The following PROKR1 variants were observed in gnomAD, a reference collection of about 807,000 sequenced individuals.
PROKR1 encodes prokineticin receptor 1.
A neutral mutation model predicts 22.8 loss-of-function variants in PROKR1; 21 were observed. The ratio of observed to expected loss-of-function variants is 0.92; its 90% CI spans 0.65 to 1.32. The LOEUF is 1.32. PROKR1 is among the 40% of genes most tolerant of loss of function. PROKR1 has a pLI of 0.00. For synonymous variants in PROKR1, 193 were observed against 207.5 expected (o/e 0.93, Z 0.60); for missense variants, 548 against 514.2 (o/e 1.07, Z -0.64).
At position 68,645,987 on chromosome 2, in the gene PROKR1, A is replaced by G. The variant is rs762785780; in HGVS notation, c.166A>G (p.Arg56Gly). Residue 56 changes from arginine to glycine, a missense_variant, in exon 2 of 3, where the codon AGG becomes GGG. By Grantham distance (125) the Arg-to-Gly change is moderately radical. Transcript: ENST00000303786. ...LDEDEDVTNS[R>G]TFFAAKIVIG... ...TGAAGATGAGGATGTGACCAATTCCAGGACGTTCTTTGCTGCCAAGATTGT... is the reference window on the plus strand; with the variant it reads ...TGAAGATGAGGATGTGACCAATTCCGGGACGTTCTTTGCTGCCAAGATTGT... 1.2e-5 allele frequency: 20 copies of G among 1,614,130 alleles called. No individual in the cohort carries two copies. The highest frequency in any genetic ancestry group is 1.5e-5 in the Non-Finnish European group (18 of 1,180,058).
At chr2:68,649,935 C>G (rs1673277239) in intron 2 of PROKR1, among the ~76,000 whole-genome samples, 2 of 152,064 alleles carry the variant, frequency 1.3e-5, no homozygotes, top group Non-Finnish European at 2.9e-5. Flanking sequence ...AATCTTCTGT[C>G]TTGTACGTGT....
chr2:68,653,182 A>G (rs562969454), intron 2 of PROKR1, among the ~76,000 whole-genome samples: 17 of 152,354 alleles, frequency 1.1e-4, no homozygotes, highest in African/African-American at 3.1e-4. Context: ...GTGCATTGAC[A>G]ATGGCATTGC....
At chr2:68,646,393 T>G in intron 2 of PROKR1, 87 bp downstream of exon 2, 1 of 1,550,058 alleles carries the variant, frequency 6.5e-7, no homozygotes, top group Non-Finnish European at 8.8e-7. Flanking sequence ...AGTTGCAGAT[T>G]GATGAGAGGT....
rs1673417721 is a variant in PROKR1, at chr2:68,655,159, C to G, written c.765C>G (p.Ile255Met). ...CCATGACCCTGTGCTATGCCAGGAT[C>G]TCCCGGGAGCTCTGGTTCAAGGCGG... is the stretch of plus-strand genomic sequence containing the variant. ...VVTMTLCYAR[I>M]SRELWFKAVP... is the part of the protein sequence containing the mutation. The change falls in exon 3 of 3, where the codon ATC becomes ATG. Residue 255 changes from isoleucine to methionine, a missense_variant. By Grantham distance (10) the Ile-to-Met change is conservative (BLOSUM62 1). Coordinates refer to ENST00000303786, the MANE Select transcript of PROKR1 (RefSeq NM_138964.4). The G allele has an allele frequency of 6.2e-7, 1 of 1,614,248 alleles. No homozygotes were observed. Among genetic ancestry groups the G allele is most frequent in the South Asian group, 1.1e-5 (1 of 91,092 alleles).
At chr2:68,654,599 G>A (rs1018630634) in intron 2 of PROKR1, among the ~76,000 whole-genome samples, 1 of 152,056 alleles carries the variant, frequency 6.6e-6, no homozygotes, top group Non-Finnish European at 1.5e-5. Flanking sequence ...TTTGAGACTA[G>A]CCTGGGCAGC....
intron 2 of PROKR1, among the ~76,000 whole-genome samples, chr2:68,653,423 A>G (rs1360826352): frequency 1.7e-5 from 2 of 119,470 alleles, no homozygotes; most frequent in Admixed American, 1.5e-4. Flanking sequence ...AAATACAGTC[A>G]GGAAAAAAAA....
chr2:68,650,044 T>C (rs1050747059), intron 2 of PROKR1, among the ~76,000 whole-genome samples: 3 of 124,136 alleles, frequency 2.4e-5, no homozygotes, highest in African/African-American at 6.3e-5. Context: ...GGAAGGGGAA[T>C]ATCACACTCT....
At position 68,655,229 on chromosome 2, in the gene PROKR1, C is replaced by G. The variant is rs200160500; in HGVS notation, c.835C>G (p.Arg279Gly). ...TEQIRKRLRC[R>G]RKTVLVLMCI... ...GCAGATCCGCAAGAGGCTGCGCTGC[C>G]GCAGGAAGACGGTCCTGGTGCTCAT... The change falls in exon 3 of 3, where the codon CGC becomes GGC. Residue 279 changes from arginine to glycine, a missense_variant. By Grantham distance (125) the Arg-to-Gly change is moderately radical. Coordinates refer to ENST00000303786, the MANE Select transcript of PROKR1 (RefSeq NM_138964.4). 1 of 1,614,240 alleles carries G rather than the reference C, an allele frequency of 6.2e-7. No homozygotes were observed. Among genetic ancestry groups the G allele is most frequent in the Admixed American group, 1.7e-5 (1 of 60,032 alleles).
chr2:68,646,427 T>A (rs2104180569), intron 2 of PROKR1, 121 bp downstream of exon 2: 1 of 1,411,044 alleles, frequency 7.1e-7, no homozygotes, highest in South Asian at 1.2e-5. Flanking sequence ...CTAGATGTGG[T>A]TGCATGGGGG....
In PROKR1 at chr2:68,655,633, T is replaced by G; in HGVS notation, c.*57T>G. 6.6e-7 allele frequency: 1 copy of G among 1,522,758 alleles called. No homozygotes were observed. Among genetic ancestry groups the G allele is most frequent in the Non-Finnish European group, 9.0e-7 (1 of 1,107,928 alleles). 94.3% of individuals were successfully genotyped at this position (1,522,758 alleles called of 1,614,324 possible). A position where few individuals can be genotyped will look rare whatever the true frequency, so the allele number is the denominator to read the frequency against. On this transcript the variant is annotated 3_prime_UTR_variant, in exon 3 of 3. Transcript: ENST00000303786. ...GCAGGGTCCTGTGGACACTGACTAG[T>G]GTGCTTGGATGCACATCAACCTGGA...
intron 2 of PROKR1, among the ~76,000 whole-genome samples, chr2:68,653,421 T>C (rs1188569983): frequency 8.4e-6 from 1 of 119,654 alleles, no homozygotes; most frequent in South Asian, 2.7e-4. Flanking sequence ...AGAAATACAG[T>C]CAGGAAAAAA....
rs897665580 is a variant in PROKR1, at chr2:68,649,139, TA to T, written c.485+2841del. Among the ~76,000 whole-genome samples the T allele has an allele frequency of 3.3e-5, 5 of 151,990 alleles. No homozygotes were observed. The South Asian group carries it at 6.2e-4, about 19-fold the overall frequency. ...AAATTATTGTTTTTATGATGTGATT[TA>T]AAAAAAATACAAGATTTTTACAAAA... is the stretch of plus-strand genomic sequence containing the variant. On this transcript the variant is annotated intron_variant, in intron 2 of 2. Coordinates refer to ENST00000303786, the MANE Select transcript of PROKR1 (RefSeq NM_138964.4).
intron 2 of PROKR1, 148 bp downstream of exon 2, chr2:68,646,454 A>G (rs1331564933): frequency 1.7e-6 from 2 of 1,203,614 alleles, no homozygotes; most frequent in Non-Finnish European, 2.3e-6. Flanking sequence ...AAGCTTGCCC[A>G]TTGACTGACA....
intron 2 of PROKR1, among the ~76,000 whole-genome samples, chr2:68,651,116 C>T (rs540301221): frequency 6.6e-6 from 1 of 152,244 alleles, no homozygotes; most frequent in South Asian, 2.1e-4. Flanking sequence ...AATCCTTGCA[C>T]TTTGGGAGCC....
At chr2:68,644,070 G>T (rs1357830944) in intron 1 of PROKR1, among the ~76,000 whole-genome samples, 1 of 152,240 alleles carries the variant, frequency 6.6e-6, no homozygotes, top group Non-Finnish European at 1.5e-5. Context: ...GCCAGCAGGG[G>T]TTTGTGAGAG....
chr2:68,646,018 G>A lies in PROKR1; in HGVS notation c.197G>A (p.Gly66Glu), dbSNP rs755325729. Residue 66 changes from glycine to glutamate, a missense_variant, in exon 2 of 3, where the codon GGG becomes GAG. By Grantham distance (98) the Gly-to-Glu change is moderately conservative (BLOSUM62 -2). Coordinates refer to ENST00000303786, the MANE Select transcript of PROKR1 (RefSeq NM_138964.4). ...TTCTTTGCTGCCAAGATTGTCATTG[G>A]GATGGCCCTGGTGGGCATCATGCTG... ...RTFFAAKIVI[G>E]MALVGIMLVC... 3 of 1,614,222 alleles carry A rather than the reference G, an allele frequency of 1.9e-6. No homozygotes were observed.
intron 2 of PROKR1, among the ~76,000 whole-genome samples, chr2:68,650,294 A>T (rs1255029125): frequency 6.6e-6 from 1 of 152,146 alleles, no homozygotes; most frequent in Non-Finnish European, 1.5e-5. Flanking sequence ...AACTTTTATT[A>T]TCTAGCCCCA....
chr2:68,650,803 C>T (rs1371435063), intron 2 of PROKR1, among the ~76,000 whole-genome samples: 1 of 152,060 alleles, frequency 6.6e-6, no homozygotes, highest in Non-Finnish European at 1.5e-5. Context: ...CCGGAGTAGT[C>T]AGAGGAGGCT....
chr2:68,657,514 C>T lies in PROKR1; in HGVS notation c.*1938C>T, dbSNP rs905542127. On this transcript the variant is annotated 3_prime_UTR_variant, in exon 3 of 3. Transcript: ENST00000303786. ...TTTAGGGGTTTGGATACTCCAGAAT[C>T]GGAGTATCTTTGTGATACTAGAAGT... 2.0e-5 allele frequency: 3 copies of T among 152,168 alleles called. No individual in the cohort carries two copies. The highest frequency in any genetic ancestry group is 2.1e-4 in the South Asian group (1 of 4,832). The allele number at this position is 152,168 out of a possible 1,614,324, so 9.4% of individuals were successfully genotyped here.
Sources: allele counts gnomAD v4.1 joint callset (sites outside exome capture counted in the v4.1 genomes callset), GRCh38; gene constraint gnomAD v4.1.1; transcripts MANE v1.5; gene names NCBI Gene and HGNC (gene_info 2026-07-23, HGNC 2026-07-21).